The following SLCO3A1 variants were observed in gnomAD, a reference collection of about 807,000 sequenced individuals.
SLCO3A1 encodes solute carrier organic anion transporter family member 3A1.
A neutral mutation model predicts 63.1 loss-of-function variants in SLCO3A1; 27 were observed. The ratio of observed to expected loss-of-function variants is 0.43; its 90% CI spans 0.32 to 0.59. SLCO3A1 has a LOEUF of 0.59. Ranked by LOEUF, SLCO3A1 falls within the 20% of genes least tolerant of loss-of-function variation. SLCO3A1 has a pLI of 0.09. For missense variants in SLCO3A1, 773 were observed against 945.8 expected (o/e 0.82, Z 2.40); for synonymous variants, 473 against 409.9 (o/e 1.15, Z -1.86).
At chr15:92,158,408 T>C (rs1596156912) in intron 9 of SLCO3A1, among the ~76,000 whole-genome samples, 1 of 152,198 alleles carries the variant, frequency 6.6e-6, no homozygotes, top group South Asian at 2.1e-4. Context: ...TTTTGAAATA[T>C]CAAACCTGGA....
chr15:92,116,257 C>T (rs1412030953), intron 4 of SLCO3A1, among the ~76,000 whole-genome samples: 1 of 152,200 alleles, frequency 6.6e-6, no homozygotes, highest in Admixed American at 6.5e-5. Flanking sequence ...CATGACTCCT[C>T]CAAAATCTGC....
chr15:92,093,983 G>T (rs1032022535), intron 2 of SLCO3A1, among the ~76,000 whole-genome samples: 5 of 152,182 alleles, frequency 3.3e-5, no homozygotes, highest in Non-Finnish European at 7.4e-5. Flanking sequence ...CAGATGGCCA[G>T]CTTCTAAAGG....
intron 2 of SLCO3A1, among the ~76,000 whole-genome samples, chr15:91,943,278 C>A (rs1054607947): frequency 6.6e-6 from 1 of 152,156 alleles, no homozygotes; most frequent in African/African-American, 2.4e-5. Flanking sequence ...AGTGTGCTTC[C>A]TTCTGTCTCT....
intron 2 of SLCO3A1, among the ~76,000 whole-genome samples, chr15:91,935,592 G>C (rs1899382903): frequency 6.6e-6 from 1 of 152,212 alleles, no homozygotes; most frequent in South Asian, 2.1e-4. Flanking sequence ...GCTAGACATG[G>C]AGTAACGCCT....
intron 2 of SLCO3A1, among the ~76,000 whole-genome samples, chr15:91,944,237 TC>T (rs11323572): frequency 0.74 from 112,952 of 151,966 alleles, 42,460 homozygotes; most frequent in East Asian, 0.98. Context: ...GATTACCATA[TC>T]CCTGTGCAAG....
intron 7 of SLCO3A1, among the ~76,000 whole-genome samples, chr15:92,140,737 CCTT>C (rs2048120755): frequency 6.6e-6 from 1 of 152,178 alleles, no homozygotes; most frequent in Admixed American, 6.5e-5. Context: ...TATGTAATGG[CCTT>C]CTTTGTCTCT....
In SLCO3A1 at chr15:91,926,193, C is replaced by T. The variant is rs150378483; in HGVS notation, c.646+9735C>T. ...GGCTTAGCTCTTCATTTCGTTATTTCAGAGGCATTGAAGTTACAGGACTTA... is the reference window on the plus strand; with the variant it reads ...GGCTTAGCTCTTCATTTCGTTATTTTAGAGGCATTGAAGTTACAGGACTTA... On this transcript the variant is annotated intron_variant, in intron 2 of 9. Transcript: ENST00000318445. Among the ~76,000 whole-genome samples, 327 of 152,308 alleles carry T rather than the reference C, an allele frequency of 2.1e-3. 3 individuals carry two copies. Among genetic ancestry groups the T allele is most frequent in the African/African-American group, 7.7e-3 (320 of 41,570 alleles).
chr15:92,017,347 G>C (rs1433598861), intron 2 of SLCO3A1, among the ~76,000 whole-genome samples: 1 of 151,842 alleles, frequency 6.6e-6, no homozygotes, highest in Non-Finnish European at 1.5e-5. Context: ...AGGAAGCAGG[G>C]ATCCTTATAT....
chr15:91,912,529 G>T lies in SLCO3A1; in HGVS notation c.181-3464G>T, dbSNP rs957213003. Among the ~76,000 whole-genome samples, 1 of 152,172 alleles carries T rather than the reference G, an allele frequency of 6.6e-6. No homozygotes were observed. The highest frequency in any genetic ancestry group is 1.5e-5 in the Non-Finnish European group (1 of 68,032). The stretch of plus-strand genomic sequence containing the variant: ...ATTATTTTTTGTTTTGCCCACAGCT[G>T]TCTCTGTCCCAATCACCCTTATCTG... On this transcript the variant is annotated intron_variant, in intron 1 of 9. Coordinates refer to ENST00000318445, the MANE Select transcript of SLCO3A1 (RefSeq NM_013272.4). This position sits in a 1 kb window ranked among gnomAD's most constrained non-coding sequence, Gnocchi z 5.0.
chr15:92,058,862 C>T (rs1005162198), intron 2 of SLCO3A1, among the ~76,000 whole-genome samples: 1 of 152,186 alleles, frequency 6.6e-6, no homozygotes, highest in African/African-American at 2.4e-5. Context: ...GGCTTAGAGA[C>T]ACGTCCCTTC....
intron 2 of SLCO3A1, among the ~76,000 whole-genome samples, chr15:91,949,003 A>G (rs773648662): frequency 3.2e-4 from 48 of 152,118 alleles, no homozygotes; most frequent in Non-Finnish European, 5.4e-4. Flanking sequence ...TCCCTGGTGT[A>G]AACTTCCCTG....
At chr15:92,166,390 T>A (rs11631374), downstream of SLCO3A1, among the ~76,000 whole-genome samples, 6 of 152,250 alleles carry the variant, frequency 3.9e-5, no homozygotes, top group East Asian at 1.2e-3. Context: ...AACGTCTTCC[T>A]AGCAGGAGGG....
rs1186962693 is a variant in SLCO3A1, at chr15:92,164,453, G to A, written c.*1318G>A. ...CCCATGATTCAGTGATCACTGTCACGGGAAACCCTTTTATATTCATGCTTG... is the reference window on the plus strand; with the variant it reads ...CCCATGATTCAGTGATCACTGTCACAGGAAACCCTTTTATATTCATGCTTG... On this transcript the variant is annotated 3_prime_UTR_variant, in exon 10 of 10. Transcript: ENST00000318445. 8.1e-6 allele frequency: 8 copies of A among 985,260 alleles called. No individual in the cohort carries two copies. Among genetic ancestry groups the A allele is most frequent in the Middle Eastern group, 5.2e-4 (1 of 1,936 alleles). The allele number at this position is 985,260 out of a possible 1,614,324, so 61.0% of individuals were successfully genotyped here.
intron 2 of SLCO3A1, among the ~76,000 whole-genome samples, chr15:91,940,762 G>A (rs1597140575): frequency 6.6e-6 from 1 of 152,202 alleles, no homozygotes; most frequent in Admixed American, 6.5e-5. Context: ...TGAATGCCCT[G>A]TGTAAATCCC....
intron 2 of SLCO3A1, among the ~76,000 whole-genome samples, chr15:91,996,874 A>C (rs1003260083): frequency 1.3e-5 from 2 of 152,204 alleles, no homozygotes; most frequent in African/African-American, 4.8e-5. Context: ...AAAGCCAAAA[A>C]TTTAAAATGT....
intron 9 of SLCO3A1, among the ~76,000 whole-genome samples, chr15:92,153,323 A>G (rs1337073724): frequency 6.6e-6 from 1 of 152,226 alleles, no homozygotes; most frequent in South Asian, 2.1e-4. Flanking sequence ...AGTCTATTAC[A>G]TGCTTTTAAA....
chr15:92,040,710 G>A (rs2046786855), intron 2 of SLCO3A1, among the ~76,000 whole-genome samples: 1 of 152,136 alleles, frequency 6.6e-6, no homozygotes, highest in African/African-American at 2.4e-5. Flanking sequence ...GACATATTAG[G>A]CCATCTAGGG....
intron 2 of SLCO3A1, among the ~76,000 whole-genome samples, chr15:91,984,139 C>G (rs1439106298): frequency 2.6e-5 from 4 of 152,184 alleles, no homozygotes; most frequent in Admixed American, 6.5e-5. Flanking sequence ...TTTGTGCTTT[C>G]CTGTTTAATT....
chr15:91,893,987 G>A (rs1034850454), intron 1 of SLCO3A1, among the ~76,000 whole-genome samples: 4 of 152,172 alleles, frequency 2.6e-5, no homozygotes, highest in African/African-American at 4.8e-5. Flanking sequence ...TTGCCATAGC[G>A]ACTGGATTGG....
Sources: gnomAD v4.1 joint callset for allele counts (sites outside exome capture counted in the v4.1 genomes callset) on GRCh38, gnomAD v4.1.1 for gene constraint, Gnocchi (gnomAD v3.1) non-coding constraint, MANE v1.5 for transcripts, NCBI Gene and HGNC (gene_info 2026-07-23, HGNC 2026-07-21) for gene names.